USP24: variants seen among roughly 807,000 people sequenced by gnomAD.
The protein encoded by USP24 is ubiquitin specific peptidase 24.
In USP24, 97 loss-of-function variants were observed where a neutral mutation model predicts 361.6. That is an observed-to-expected ratio of 0.27 (90% CI 0.23 to 0.32). The LOEUF is 0.32. Among genes scored for constraint, USP24 ranks in the 10% least tolerant of loss-of-function variants. The pLI is 1.00. For missense variants in USP24, 2,353 were observed against 3,165.6 expected, an observed-to-expected ratio of 0.74 and a Z score of 6.16; for synonymous variants, 1,098 against 1,124.6, an observed-to-expected ratio of 0.98 and a Z score of 0.47.
Position 55,157,066 on chromosome 1 carries a change from A to G in USP24, c.1343-15T>C, listed in dbSNP as rs760179624. ...GTCTATGTTGCCTAATTGAAGAAACATGAGAGAGAAAGTCAGATATAGTGA... is the reference window on the plus strand; with the variant it reads ...GTCTATGTTGCCTAATTGAAGAAACGTGAGAGAGAAAGTCAGATATAGTGA... On this transcript the variant is annotated splice_polypyrimidine_tract_variant and intron_variant, in intron 11 of 67. Transcript: ENST00000294383. 10 of 1,600,682 alleles carry G rather than the reference A, an allele frequency of 6.2e-6. No homozygotes were observed. Among genetic ancestry groups the G allele is most frequent in the South Asian group, 1.1e-5 (1 of 90,424 alleles).
intron 1 of USP24, among the ~76,000 whole-genome samples, chr1:55,207,771 T>C (rs1054744948): frequency 6.6e-6 from 1 of 152,214 alleles, no homozygotes; most frequent in Non-Finnish European, 1.5e-5. Flanking sequence ...TAGTAAGTAA[T>C]GGTTTTATAA....
chr1:55,135,159 A>T (rs1570501430), intron 28 of USP24, among the ~76,000 whole-genome samples: 1 of 151,344 alleles, frequency 6.6e-6, no homozygotes, highest in South Asian at 2.1e-4. Flanking sequence ...TATAATTTTT[A>T]AAAAAATTGA....
chr1:55,083,701 T>C lies in USP24; in HGVS notation c.6882+71A>G, dbSNP rs6588545. 1.9e-5 allele frequency: 21 copies of C among 1,118,188 alleles called. No homozygotes were observed. The East Asian group carries it at 5.4e-4, about 29-fold the overall frequency. The allele number at this position is 1,118,188 out of a possible 1,614,324, so 69.3% of individuals were successfully genotyped here. A position where few individuals can be genotyped will look rare whatever the true frequency, so the allele number is the denominator to read the frequency against. On this transcript the variant is annotated intron_variant, in intron 57 of 67. Coordinates refer to ENST00000294383, the MANE Select transcript of USP24 (RefSeq NM_015306.3). ...AAACATACCATATAGAACTTTACTA[T>C]CCAGTCTAAAAATTTTTTAGAGTAT...
chr1:55,201,126 G>A (rs1644560655), intron 1 of USP24, among the ~76,000 whole-genome samples: 1 of 152,152 alleles, frequency 6.6e-6, no homozygotes, highest in Admixed American at 6.5e-5. Context: ...TATGGTGTAG[G>A]GTATTTTAGG....
intron 59 of USP24, 141 bp from the exon 60 acceptor site, chr1:55,079,800 T>TCTCACAGAGTACTCACACAGAGTACTCA: frequency 8.8e-7 from 1 of 1,137,688 alleles, no homozygotes; most frequent in Non-Finnish European, 1.2e-6. Flanking sequence ...CACTGAGTAC[T>TCTCACAGAGTACTCACACAGAGTACTCA]CACACACTGA....
chr1:55,196,493 T>C (rs182227198), intron 1 of USP24, among the ~76,000 whole-genome samples: 102 of 152,218 alleles, frequency 6.7e-4, no homozygotes, highest in African/African-American at 2.4e-3. Context: ...TTGTTTTTCA[T>C]CTCCCTCAAG....
chr1:55,157,820 C>T (rs975546449), intron 10 of USP24, among the ~76,000 whole-genome samples: 4 of 143,292 alleles, frequency 2.8e-5, no homozygotes, highest in South Asian at 4.4e-4. Context: ...GGTGACAGAG[C>T]GAGACTCCAT....
At chr1:55,184,220 C>T (rs1054936764) in intron 1 of USP24, among the ~76,000 whole-genome samples, 3 of 152,056 alleles carry the variant, frequency 2.0e-5, no homozygotes, top group African/African-American at 7.2e-5. Context: ...CCACGTCTGG[C>T]TAATTTTTGT....
At chr1:55,210,223 T>C (rs777763612) in intron 1 of USP24, among the ~76,000 whole-genome samples, 8 of 152,146 alleles carry the variant, frequency 5.3e-5, no homozygotes, top group Admixed American at 2.0e-4. Context: ...CAGACCTAAT[T>C]CCCAAAGGAG....
chr1:55,154,230 G>A lies in USP24; in HGVS notation c.1701C>T (p.Ser567=), dbSNP rs1647385920. The part of the protein sequence containing the change: ...ELAHLPTLPS[S]LIQQALEEHL... ...GCTCCTCCAAGGCCTGCTGAATAAG[G>A]CTACTGGGCAGGGTTGGAAGGTGAG... The change falls in exon 15 of 68, where the codon AGC becomes AGT. Residue 567 remains serine (S), a synonymous_variant. Transcript: ENST00000294383. The A allele has an allele frequency of 1.2e-6, 2 of 1,613,384 alleles. No individual in the cohort carries two copies. Among genetic ancestry groups the A allele is most frequent in the African/African-American group, 2.7e-5 (2 of 75,012 alleles).
At chr1:55,121,106 C>A (rs1451705994) in intron 37 of USP24, among the ~76,000 whole-genome samples, 1 of 152,208 alleles carries the variant, frequency 6.6e-6, no homozygotes, top group Non-Finnish European at 1.5e-5. Flanking sequence ...TGAGGTTGAT[C>A]TTTCCTGATT....
At chr1:55,165,182 G>A (rs1025002844) in intron 7 of USP24, among the ~76,000 whole-genome samples, 2 of 152,066 alleles carry the variant, frequency 1.3e-5, no homozygotes, top group Admixed American at 6.6e-5. Flanking sequence ...TAACACCTGG[G>A]TGTATTATTT....
intron 1 of USP24, among the ~76,000 whole-genome samples, chr1:55,195,373 C>T (rs957433103): frequency 4.6e-5 from 7 of 152,148 alleles, no homozygotes; most frequent in Admixed American, 1.3e-4. Context: ...ACAAAATTTT[C>T]GAGCGTTGAG....
intron 25 of USP24, 37 bp downstream of exon 25, chr1:55,138,907 T>G (rs951139532): frequency 6.3e-7 from 1 of 1,597,496 alleles, no homozygotes; most frequent in Non-Finnish European, 8.6e-7. Context: ...GAGTCCAGCC[T>G]AAGCAACATA....
Position 55,101,595 on chromosome 1 carries a change from C to T in USP24, c.5134G>A (p.Gly1712Arg). The T allele has an allele frequency of 6.2e-7, 1 of 1,611,198 alleles. No individual in the cohort carries two copies. Among genetic ancestry groups the T allele is most frequent in the South Asian group, 1.1e-5 (1 of 90,214 alleles). ...AVFQQLYMQP[G>R]LPESLLSVDD... The stretch of plus-strand genomic sequence containing the variant: ...AAAAAAGAAATCACCTCAGGGAGCC[C>T]AGGTTGCATATACAGCTGCTGGAAG... Residue 1712 changes from glycine (G) to arginine (R), a missense_variant, in exon 43 of 68, where the codon GGG becomes AGG. This residue lies in a region of USP24 where 949 missense variants were observed against 1,280.5 expected (regional missense o/e 0.74). Transcript: ENST00000294383.
chr1:55,072,065 C>A (rs1192698393), intron 66 of USP24, 141 bp from the exon 67 acceptor site: 9 of 784,920 alleles, frequency 1.1e-5, no homozygotes, highest in Non-Finnish European at 1.7e-5. Context: ...TCACCAGAAC[C>A]CCCTCAACCC....
chr1:55,095,244 G>C lies in USP24; in HGVS notation c.6203+11C>G. 6.2e-7 allele frequency: 1 copy of C among 1,612,898 alleles called. No individual in the cohort carries two copies. Among genetic ancestry groups the C allele is most frequent in the Non-Finnish European group, 8.5e-7 (1 of 1,179,438 alleles). ...AAATCACACAGCAAATTACATGGAAGAGACACTTACAGAGAGAGATCCTCA... is the reference window on the plus strand; with the variant it reads ...AAATCACACAGCAAATTACATGGAACAGACACTTACAGAGAGAGATCCTCA... On this transcript the variant is annotated intron_variant, in intron 51 of 67. Transcript: ENST00000294383.
intron 57 of USP24, 67 bp downstream of exon 57, chr1:55,083,705 G>T: frequency 8.3e-7 from 1 of 1,202,818 alleles, no homozygotes; most frequent in Non-Finnish European, 1.2e-6. Flanking sequence ...TTACTATCCA[G>T]TCTAAAAATT....
At chr1:55,149,554 C>T (rs1647133795) in intron 16 of USP24, among the ~76,000 whole-genome samples, 2 of 152,048 alleles carry the variant, frequency 1.3e-5, no homozygotes, top group Admixed American at 1.3e-4. Context: ...TTTTTCCTTG[C>T]CTCATAGGGA....
Sources: allele counts gnomAD v4.1 joint callset (sites outside exome capture counted in the v4.1 genomes callset), GRCh38; gene constraint gnomAD v4.1.1; regional missense constraint gnomAD v4.1.1; transcripts MANE v1.5; gene names NCBI Gene and HGNC (gene_info 2026-07-23, HGNC 2026-07-21).